Variants in SPATA31H1 observed in about 807,000 individuals in gnomAD.
SPATA31H1 encodes spermatogenesis-associated protein 31H1.
At chr2:27,577,243 C>T in the SPATA31H1 span, 2 of 1,613,992 alleles carry the variant, frequency 1.2e-6, no homozygotes, top group Non-Finnish European at 1.7e-6. The surrounding 1 kb of genome is among the most constrained non-coding windows in gnomAD (Gnocchi z 4.5). Context: ...TTAGGATTAA[C>T]TCCAGAGAAA....
chr2:27,538,325 C>A, the SPATA31H1 span, among the ~76,000 whole-genome samples: 11 of 152,200 alleles, frequency 7.2e-5, no homozygotes, highest in African/African-American at 2.4e-4. Context: ...AAAGCAGATT[C>A]TGATGTAGTA....
chr2:27,554,830 T>G, the SPATA31H1 span, among the ~76,000 whole-genome samples: 1 of 151,990 alleles, frequency 6.6e-6, no homozygotes, highest in African/African-American at 2.4e-5. Context: ...CACCTCAGCT[T>G]CCCAAAGTGC....
chr2:27,563,269 C>CT, the SPATA31H1 span, among the ~76,000 whole-genome samples: 1 of 147,424 alleles, frequency 6.8e-6, no homozygotes. Flanking sequence ...TGGTCTATTT[C>CT]TTTTTGGCCA....
the SPATA31H1 span, among the ~76,000 whole-genome samples, chr2:27,555,187 TAC>T: frequency 6.6e-6 from 1 of 152,122 alleles, no homozygotes; most frequent in Non-Finnish European, 1.5e-5. Flanking sequence ...TGTGGTATAT[TAC>T]AGTGATTTAT....
the SPATA31H1 span, among the ~76,000 whole-genome samples, chr2:27,548,199 G>A: frequency 6.6e-6 from 1 of 151,596 alleles, no homozygotes; most frequent in Non-Finnish European, 1.5e-5. Context: ...TGGATCTCCT[G>A]ACCTCGTGAT....
chr2:27,558,774 G>A, the SPATA31H1 span, among the ~76,000 whole-genome samples: 9 of 100,758 alleles, frequency 8.9e-5, no homozygotes, highest in African/African-American at 1.6e-4. Context: ...GGCGGTGCGC[G>A]CCTGCAATCG....
the SPATA31H1 span, chr2:27,568,201 A>C: frequency 3.8e-5 from 15 of 398,912 alleles, no homozygotes; most frequent in African/African-American, 2.7e-4. Flanking sequence ...CCACGATATC[A>C]AGTCATAGAG....
At chr2:27,549,509 T>C in the SPATA31H1 span, among the ~76,000 whole-genome samples, 18 of 151,654 alleles carry the variant, frequency 1.2e-4, no homozygotes, top group South Asian at 2.1e-4. Flanking sequence ...GGCTAATTTT[T>C]AAAATTTCTT....
At chr2:27,577,868 A>T in the SPATA31H1 span, 2 of 1,614,152 alleles carry the variant, frequency 1.2e-6, no homozygotes, top group Non-Finnish European at 1.7e-6. The surrounding 1 kb of genome is among the most constrained non-coding windows in gnomAD (Gnocchi z 4.5). Flanking sequence ...GACATGAAGA[A>T]TCTGTAGAGC....
At chr2:27,582,684 C>G in the SPATA31H1 span, 1 of 688,770 alleles carries the variant, frequency 1.5e-6, no homozygotes, top group Middle Eastern at 4.0e-4. Context: ...GAGAATGGGT[C>G]TGTAATTTCT....
At chr2:27,572,216 G>C in the SPATA31H1 span, 5 of 398,366 alleles carry the variant, frequency 1.3e-5, no homozygotes, top group Admixed American at 4.4e-5. Context: ...AATCTCCCAA[G>C]TTGACCCCAG....
the SPATA31H1 span, among the ~76,000 whole-genome samples, chr2:27,538,526 G>A: frequency 1.8e-4 from 28 of 152,210 alleles, no homozygotes; most frequent in African/African-American, 6.5e-4. Context: ...AAATATCAGA[G>A]TGGCACGGTG....
chr2:27,579,192 G>A, the SPATA31H1 span: 2 of 1,614,186 alleles, frequency 1.2e-6, no homozygotes, highest in Non-Finnish European at 1.7e-6. Flanking sequence ...ACAACACAAT[G>A]TCTGGGAGAG....
chr2:27,581,545 C>CA, the SPATA31H1 span: 1 of 1,465,202 alleles, frequency 6.8e-7, no homozygotes, highest in East Asian at 2.6e-5. Flanking sequence ...CGCAGTCCCT[C>CA]AGAGAGAAGC....
At chr2:27,538,723 G>A in the SPATA31H1 span, among the ~76,000 whole-genome samples, 13 of 152,032 alleles carry the variant, frequency 8.6e-5, no homozygotes, top group Admixed American at 2.0e-4. Context: ...CTTAGCTACC[G>A]GGGAGGCTGA....
the SPATA31H1 span, chr2:27,573,545 C>G: frequency 5.0e-6 from 2 of 398,496 alleles, no homozygotes. Context: ...TGCCAGGGCT[C>G]AAACCTATTG....
chr2:27,565,207 G>A, the SPATA31H1 span: 4 of 620,086 alleles, frequency 6.5e-6, no homozygotes, highest in Non-Finnish European at 1.2e-5. Flanking sequence ...GGTTATGGAT[G>A]CCAACTGTAT....
At chr2:27,565,968 A>G in the SPATA31H1 span, 1 of 709,406 alleles carries the variant, frequency 1.4e-6, no homozygotes, top group Non-Finnish European at 2.6e-6. Flanking sequence ...CTTATTTGCA[A>G]AAAGAGGGGG....
At chr2:27,575,769 C>T in the SPATA31H1 span, 1 of 398,522 alleles carries the variant, frequency 2.5e-6, no homozygotes, top group East Asian at 3.6e-5. This position sits in a 1 kb window ranked among gnomAD's most constrained non-coding sequence, Gnocchi z 4.1. Flanking sequence ...TGGGTGCATC[C>T]CTGGGCCACA....
Sources: allele counts gnomAD v4.1 joint callset (sites outside exome capture counted in the v4.1 genomes callset), GRCh38; gene constraint gnomAD v4.1.1; non-coding constraint Gnocchi (gnomAD v3.1); transcripts MANE v1.5; gene names NCBI Gene and HGNC (gene_info 2026-07-23, HGNC 2026-07-21).